The following TBC1D5 variants were observed in gnomAD, a reference collection of about 807,000 sequenced individuals.
The protein encoded by TBC1D5 is TBC1 domain family member 5.
Under a neutral mutation model 100.3 loss-of-function variants are expected in TBC1D5, and 75 were observed. The observed-to-expected ratio is 0.75, with a 90% CI of 0.62 to 0.91. The LOEUF (loss-of-function observed/expected upper bound fraction) is 0.91. TBC1D5 is among the 40% of genes least tolerant of loss of function. TBC1D5 has a pLI of 0.00. For missense variants in TBC1D5, 910 were observed against 942.4 expected (o/e 0.97, Z 0.45); for synonymous variants, 323 against 325.6 (o/e 0.99, Z 0.09).
intron 3 of TBC1D5, among the ~76,000 whole-genome samples, chr3:17,439,448 T>C (rs1298626372): frequency 6.6e-6 from 1 of 152,208 alleles, no homozygotes; most frequent in African/African-American, 2.4e-5. Context: ...TGAAGGCATA[T>C]ATTCTCAAAA....
chr3:17,371,068 T>TACACACACAC (rs111820681), intron 13 of TBC1D5, among the ~76,000 whole-genome samples: 20 of 146,496 alleles, frequency 1.4e-4, no homozygotes, highest in East Asian at 4.0e-4. Context: ...ACTGAAAAAA[T>TACACACACAC]ACACACACAC....
chr3:17,169,601 G>T (rs762889255), intron 19 of TBC1D5, among the ~76,000 whole-genome samples: 6 of 152,168 alleles, frequency 3.9e-5, no homozygotes, highest in Non-Finnish European at 7.3e-5. Context: ...AAAGCAAGTT[G>T]AATGGGAATG....
intron 13 of TBC1D5, among the ~76,000 whole-genome samples, chr3:17,348,299 C>A (rs1462683307): frequency 6.6e-6 from 1 of 152,154 alleles, no homozygotes; most frequent in Non-Finnish European, 1.5e-5. Flanking sequence ...CAATCTTTGA[C>A]CAAATCCACT....
intron 13 of TBC1D5, among the ~76,000 whole-genome samples, chr3:17,340,140 G>A (rs2088635069): frequency 6.6e-6 from 1 of 152,130 alleles, no homozygotes; most frequent in South Asian, 2.1e-4. Flanking sequence ...CGGGTACTGG[G>A]GGGTAAAGTA....
intron 19 of TBC1D5, among the ~76,000 whole-genome samples, chr3:17,184,102 T>C (rs373236231): frequency 6.6e-6 from 1 of 152,218 alleles, no homozygotes; most frequent in Non-Finnish European, 1.5e-5. Flanking sequence ...ACAAAAGCTT[T>C]TGTAAGCAGC....
chr3:17,279,371 T>G (rs2080342850), intron 15 of TBC1D5, among the ~76,000 whole-genome samples: 1 of 152,236 alleles, frequency 6.6e-6, no homozygotes, highest in South Asian at 2.1e-4. Context: ...AATGGAGAAG[T>G]AAGGGGGCAC....
rs58438478 is a variant in TBC1D5 at position 17,186,710 on chromosome 3, CAAAAAAAAAAAAAAAAA to C, written c.1753-1519_1753-1503del. ...GGGCGACAGAGCAAAACTCTATCTC[CAAAAAAAAAAAAAAAAA>C]AAAAAAAAAAAAAAAAATTAAAAAA... On this transcript the variant is annotated intron_variant, in intron 18 of 21. Transcript: ENST00000253692. Among the ~76,000 whole-genome samples, 19 of 27,284 alleles carry C rather than the reference CAAAAAAAAAAAAAAAAA, an allele frequency of 7.0e-4. No homozygotes were observed. In the East Asian group the frequency reaches 0.032, roughly 46 times the overall value. 17.9% of individuals were successfully genotyped at this position (27,284 alleles called of 152,430 possible).
At chr3:17,221,503 G>C (rs1326106532) in intron 17 of TBC1D5, among the ~76,000 whole-genome samples, 1 of 152,058 alleles carries the variant, frequency 6.6e-6, no homozygotes, top group African/African-American at 2.4e-5. Flanking sequence ...AAGTAGAAGA[G>C]GAAGGCAGAA....
chr3:17,392,340 T>G (rs935716557), intron 8 of TBC1D5, among the ~76,000 whole-genome samples: 16 of 152,156 alleles, frequency 1.1e-4, no homozygotes, highest in African/African-American at 3.4e-4. Context: ...TTCTACATGA[T>G]CCACTTGCTG....
intron 8 of TBC1D5, among the ~76,000 whole-genome samples, chr3:17,392,477 T>A (rs2093381031): frequency 6.6e-6 from 1 of 152,206 alleles, no homozygotes; most frequent in East Asian, 1.9e-4. Context: ...CAACCCATCA[T>A]CTACATTAGG....
At chr3:17,461,667 T>C (rs1473824547) in intron 3 of TBC1D5, among the ~76,000 whole-genome samples, 1 of 123,194 alleles carries the variant, frequency 8.1e-6, no homozygotes, top group African/African-American at 3.3e-5. Context: ...TGTGAGTGTG[T>C]ATGTGTGTTG....
chr3:17,235,169 T>C (rs1438348750), intron 17 of TBC1D5, among the ~76,000 whole-genome samples: 2 of 152,116 alleles, frequency 1.3e-5, no homozygotes, highest in Non-Finnish European at 2.9e-5. Flanking sequence ...ACAGGGAACA[T>C]CTGGGCTGCT....
intron 14 of TBC1D5, among the ~76,000 whole-genome samples, chr3:17,299,470 T>C (rs972959241): frequency 7.2e-5 from 11 of 152,232 alleles, no homozygotes; most frequent in African/African-American, 2.7e-4. Context: ...CATGTCATTA[T>C]ACATTGGTCC....
At chr3:17,282,888 A>G (rs1160370779) in intron 15 of TBC1D5, among the ~76,000 whole-genome samples, 3 of 152,342 alleles carry the variant, frequency 2.0e-5, no homozygotes, top group African/African-American at 7.2e-5. Context: ...CTCCTTACAC[A>G]TTTCATGGAC....
At chr3:17,190,789 C>T (rs976200932) in intron 18 of TBC1D5, among the ~76,000 whole-genome samples, 2 of 152,162 alleles carry the variant, frequency 1.3e-5, no homozygotes, top group African/African-American at 2.4e-5. Flanking sequence ...TGGGTGTCCT[C>T]AGATCACAAG....
At chr3:17,610,308 C>G (rs1243693821) in intron 2 of TBC1D5, among the ~76,000 whole-genome samples, 2 of 152,106 alleles carry the variant, frequency 1.3e-5, no homozygotes, top group East Asian at 1.9e-4. Flanking sequence ...CCTCAGCCTC[C>G]CAAGTAGCTG....
chr3:17,733,599 G>A (rs572216718), intron 1 of TBC1D5, among the ~76,000 whole-genome samples: 2 of 152,202 alleles, frequency 1.3e-5, no homozygotes, highest in African/African-American at 4.8e-5. Context: ...AGCTAGAAGG[G>A]TCCTTAGAGA....
intron 1 of TBC1D5, among the ~76,000 whole-genome samples, chr3:17,645,621 G>A (rs61448411): frequency 0.022 from 3,400 of 152,030 alleles, 97 homozygotes; most frequent in East Asian, 0.071. Flanking sequence ...TCCTTTCTAG[G>A]CTTAGGTTTC....
chr3:17,248,967 C>G (rs2076970458), intron 16 of TBC1D5, among the ~76,000 whole-genome samples: 1 of 152,186 alleles, frequency 6.6e-6, no homozygotes, highest in South Asian at 2.1e-4. Flanking sequence ...ACAGAGACAA[C>G]TTCTTCCCTT....
Sources: allele counts gnomAD v4.1 joint callset (sites outside exome capture counted in the v4.1 genomes callset), GRCh38; gene constraint gnomAD v4.1.1; transcripts MANE v1.5; gene names NCBI Gene and HGNC (gene_info 2026-07-23, HGNC 2026-07-21).